Variants in ACSM2A observed in about 807,000 individuals in gnomAD.
ACSM2A encodes the protein acyl-coenzyme A synthetase ACSM2A, mitochondrial.
In ACSM2A, 72 loss-of-function variants were observed where a neutral mutation model predicts 76.6. That is an observed-to-expected ratio of 0.94 (90% CI 0.78 to 1.14). The LOEUF (loss-of-function observed/expected upper bound fraction) is 1.14, where lower values mean the gene tolerates loss of function less well. Ranked by LOEUF, ACSM2A falls within the 50% of genes most tolerant of loss-of-function variation. The pLI is 0.00. For synonymous variants in ACSM2A, 249 were observed against 255.9 expected (o/e 0.97, Z 0.26); for missense variants, 684 against 708.5 (o/e 0.97, Z 0.39).
chr16:20,471,701 T>A lies in ACSM2A; in HGVS notation c.894+12T>A, dbSNP rs143525178. ...TGGTTATTCTAAAGGTAAGAGAGGA[T>A]CCAGTTTGCAGCAGTTATTCAGAGT... On this transcript the variant is annotated intron_variant, in intron 6 of 13. Transcript: ENST00000573854. The A allele has an allele frequency of 3.4e-3, 5,406 of 1,601,528 alleles. 125 individuals are homozygous for A. In the Admixed American group the frequency reaches 0.051, roughly 15 times the overall value.
intron 1 of ACSM2A, 130 bp from the exon 2 acceptor site, chr16:20,459,977 C>G: frequency 1.4e-6 from 2 of 1,411,178 alleles, no homozygotes; most frequent in Non-Finnish European, 1.9e-6. Flanking sequence ...TGCCAATTTA[C>G]TCATAACTAC....
At chr16:20,460,367 A>G in intron 2 of ACSM2A, 76 bp downstream of exon 2, 1 of 1,506,936 alleles carries the variant, frequency 6.6e-7, no homozygotes, top group Non-Finnish European at 8.9e-7. Flanking sequence ...TTCAGTAAAT[A>G]TTTGTTAAGT....
intron 8 of ACSM2A, chr16:20,476,618 A>G (rs2013752153): frequency 9.1e-6 from 9 of 985,748 alleles, no homozygotes; most frequent in Non-Finnish European, 1.1e-5. Context: ...AAGGACACTC[A>G]GGTTCCCATG....
rs1183353101 is a variant in ACSM2A, at chr16:20,451,655, G to C, written c.-35G>C. On this transcript the variant is annotated 5_prime_UTR_variant, in exon 1 of 14. Coordinates refer to ENST00000573854, the MANE Select transcript of ACSM2A (RefSeq NM_001308172.2). ...AGGAGGGTGGACGAAGCTCTCTCTA[G>C]AAAGACATCCTGAGAGGACTTGGCA... The C allele has an allele frequency of 6.6e-6, 1 of 152,504 alleles. No homozygotes were observed. Among genetic ancestry groups the C allele is most frequent in the Non-Finnish European group, 1.5e-5 (1 of 68,522 alleles). The allele number at this position is 152,504 out of a possible 1,614,324, so 9.4% of individuals were successfully genotyped here. A position where few individuals can be genotyped will look rare whatever the true frequency, so the allele number is the denominator to read the frequency against.
chr16:20,471,183 C>G lies in ACSM2A; in HGVS notation c.707C>G (p.Ser236Trp), dbSNP rs142316126. The G allele has an allele frequency of 1.9e-6, 3 of 1,611,548 alleles. No individual in the cohort carries two copies. The highest frequency in any genetic ancestry group is 1.3e-5 in the African/African-American group (1 of 74,866). The change falls in exon 5 of 14, where the codon TCG (serine) becomes TGG (tryptophan). Residue 236 changes from serine (S) to tryptophan (W), a missense_variant. Physicochemically the swap from Ser to Trp is radical, Grantham distance 177 (BLOSUM62 -3). Coordinates refer to ENST00000573854, the MANE Select transcript of ACSM2A (RefSeq NM_001308172.2). The part of the protein sequence containing the change: ...GLPKMAEHSY[S>W]SLGLKAKMDA... ...CCCAAGATGGCAGAACATTCCTACT[C>G]GAGCCTGGGCCTCAAGGCCAAGATG...
intron 6 of ACSM2A, among the ~76,000 whole-genome samples, chr16:20,473,464 T>C (rs2013537796): frequency 6.6e-6 from 1 of 152,152 alleles, no homozygotes; most frequent in African/African-American, 2.4e-5. Context: ...CAAGCTGAGC[T>C]TCTAGTAAGG....
intron 3 of ACSM2A, among the ~76,000 whole-genome samples, chr16:20,467,407 C>T: frequency 6.6e-6 from 1 of 151,920 alleles, no homozygotes; most frequent in East Asian, 1.9e-4. Flanking sequence ...TGATCCTCCT[C>T]TGTTTGGATG....
chr16:20,465,808 A>T (rs1311852678), intron 3 of ACSM2A, 81 bp downstream of exon 3: 23 of 1,529,850 alleles, frequency 1.5e-5, no homozygotes, highest in Non-Finnish European at 1.9e-5. Flanking sequence ...CACCTCTCTC[A>T]AAAGAAGTCT....
Position 20,483,150 on chromosome 16 carries a change from G to C in ACSM2A, c.1602G>C (p.Val534=), listed in dbSNP as rs1341990054. 1.9e-6 allele frequency: 3 copies of C among 1,614,056 alleles called. No individual in the cohort carries two copies. Among genetic ancestry groups the C allele is most frequent in the Non-Finnish European group, 2.5e-6 (3 of 1,179,964 alleles). The change falls in exon 13 of 14, where the codon GTG becomes GTC. Residue 534 remains valine, a synonymous_variant. Coordinates refer to ENST00000573854, the MANE Select transcript of ACSM2A (RefSeq NM_001308172.2). ...AGCTGCAGCAGCATGTGAAGTCAGT[G>C]ACAGCCCCATACAAGTACCCAAGAA... The part of the protein sequence containing the change: ...TKELQQHVKS[V]TAPYKYPRKI...
At chr16:20,475,845 T>G in intron 8 of ACSM2A, 72 bp downstream of exon 8, 2 of 1,598,352 alleles carry the variant, frequency 1.3e-6, no homozygotes, top group Non-Finnish European at 1.7e-6. Context: ...ACAATAAAAA[T>G]TGTTAGCCAC....
chr16:20,474,686 C>T (rs2013621074), intron 6 of ACSM2A, among the ~76,000 whole-genome samples: 1 of 152,144 alleles, frequency 6.6e-6, no homozygotes, highest in African/African-American at 2.4e-5. Flanking sequence ...ATAATGATCC[C>T]ACTACTTGCT....
At chr16:20,467,357 G>A (rs554123915) in intron 3 of ACSM2A, among the ~76,000 whole-genome samples, 7 of 134,974 alleles carry the variant, frequency 5.2e-5, no homozygotes, top group African/African-American at 2.0e-4. Flanking sequence ...AACCATTGAT[G>A]CATTGAGTGA....
intron 4 of ACSM2A, 24 bp from the exon 5 acceptor site, chr16:20,471,049 A>C (rs2013360420): frequency 6.2e-7 from 1 of 1,612,124 alleles, no homozygotes; most frequent in Admixed American, 1.7e-5. Context: ...GCTCTGAAAA[A>C]ATGACAATCT....
chr16:20,461,685 C>T (rs186842829), intron 2 of ACSM2A, among the ~76,000 whole-genome samples: 30 of 152,168 alleles, frequency 2.0e-4, no homozygotes, highest in Non-Finnish European at 3.8e-4. Context: ...CTCAAATGGC[C>T]ATTAAATATA....
chr16:20,477,210 A>T, intron 8 of ACSM2A, 159 bp from the exon 9 acceptor site: 1 of 1,278,684 alleles, frequency 7.8e-7, no homozygotes, highest in Non-Finnish European at 1.0e-6. Flanking sequence ...TTGTGGTTCC[A>T]GTAATGGGGA....
chr16:20,486,243 G>C (rs1426592120), intron 13 of ACSM2A, among the ~76,000 whole-genome samples: 1 of 152,234 alleles, frequency 6.6e-6, no homozygotes, highest in Admixed American at 6.5e-5. Flanking sequence ...CAAAGCCAAG[G>C]ACCTGGCTAA....
intron 8 of ACSM2A, chr16:20,476,556 C>A: frequency 1.0e-6 from 1 of 985,418 alleles, no homozygotes; most frequent in Non-Finnish European, 1.2e-6. Flanking sequence ...CAAGCATACC[C>A]TGGCAGGGGC....
intron 13 of ACSM2A, among the ~76,000 whole-genome samples, chr16:20,484,847 G>A (rs945462582): frequency 6.6e-6 from 1 of 152,164 alleles, no homozygotes; most frequent in Non-Finnish European, 1.5e-5. Flanking sequence ...TCTGGCTGAG[G>A]CAATCCTCAT....
At chr16:20,457,069 C>A (rs548989791) in intron 1 of ACSM2A, among the ~76,000 whole-genome samples, 1 of 151,952 alleles carries the variant, frequency 6.6e-6, no homozygotes, top group South Asian at 2.1e-4. Flanking sequence ...TGGATAAATT[C>A]TTGGGAAGAT....
Sources: allele counts gnomAD v4.1 joint callset (sites outside exome capture counted in the v4.1 genomes callset), GRCh38; gene constraint gnomAD v4.1.1; transcripts MANE v1.5; gene names NCBI Gene and HGNC (gene_info 2026-07-23, HGNC 2026-07-21).